PCSK4: variants seen among roughly 807,000 people sequenced by gnomAD.
PCSK4 encodes the protein testicular tissue protein Li 135.
Under a neutral mutation model 80.3 loss-of-function variants are expected in PCSK4, and 64 were observed. The observed-to-expected ratio is 0.80, with a 90% CI of 0.65 to 0.98. The LOEUF (loss-of-function observed/expected upper bound fraction) is 0.98, where lower values mean the gene tolerates loss of function less well. PCSK4 is among the 50% of genes least tolerant of loss of function. The pLI is 0.00. For synonymous variants in PCSK4, 561 were observed against 487.6 expected (o/e 1.15, Z -1.98); for missense variants, 1,213 against 1,093.6 (o/e 1.11, Z -1.54).
At chr19:1,490,328 C>A (rs1335099631) in exon 1 of PCSK4, 29 of 1,374,716 alleles carry the variant, frequency 2.1e-5, no homozygotes, top group Admixed American at 4.6e-5. Flanking sequence ...AGCCACAGCG[C>A]AATCGGGGCG....
At chr19:1,484,607 C>T (rs565212661) in intron 8 of PCSK4, among the ~76,000 whole-genome samples, 2 of 151,790 alleles carry the variant, frequency 1.3e-5, no homozygotes, top group Non-Finnish European at 2.9e-5. Context: ...CACCGGAGGT[C>T]AGGAGTTCGA....
exon 15 of PCSK4, chr19:1,481,893 G>A (rs753925545): frequency 2.5e-6 from 4 of 1,595,710 alleles, no homozygotes; most frequent in Non-Finnish European, 3.4e-6. Flanking sequence ...AGGAGGCTCA[G>A]CACCATGGCC....
chr19:1,488,178 G>A lies in PCSK4; in HGVS notation c.387+10C>T, dbSNP rs1003086016. On this transcript the variant is annotated intron_variant, in intron 3 of 14. Transcript: ENST00000300954. Reference sequence around the variant, plus strand: ...CCGTCCCCGTCTACCCACCCTGGCTGCCTGCTCACCATGTACCACTGCTTG... The same window carrying A: ...CCGTCCCCGTCTACCCACCCTGGCTACCTGCTCACCATGTACCACTGCTTG... The A allele has an allele frequency of 1.2e-6, 2 of 1,613,438 alleles. No homozygotes were observed. Among genetic ancestry groups the A allele is most frequent in the Non-Finnish European group, 8.5e-7 (1 of 1,179,804 alleles).
upstream of PCSK4, chr19:1,490,651 G>A: frequency 2.7e-6 from 1 of 368,934 alleles, no homozygotes; most frequent in Admixed American, 4.4e-5. Flanking sequence ...CCCTTTGTTT[G>A]ACCTCTCCCA....
At chr19:1,490,250 T>C (rs546327558) in exon 1 of PCSK4, 1 of 1,611,380 alleles carries the variant, frequency 6.2e-7, no homozygotes, top group Non-Finnish European at 8.5e-7. Flanking sequence ...CTGACATAGA[T>C]GGGGGCTCGG....
intron 2 of PCSK4, 69 bp from the exon 3 acceptor site, chr19:1,488,349 G>T (rs2084753191): frequency 8.3e-7 from 1 of 1,211,266 alleles, no homozygotes; most frequent in Non-Finnish European, 1.2e-6. Context: ...TTCAGGGAGT[G>T]AGGCAGCCCC....
intron 2 of PCSK4, 64 bp downstream of exon 2, chr19:1,489,729 G>T: frequency 6.5e-7 from 1 of 1,549,460 alleles, no homozygotes. Flanking sequence ...CACAGAAGAT[G>T]GCTGGTGGCC....
chr19:1,482,530 G>GGGACTACCAGGACCAGGC, intron 13 of PCSK4, 55 bp from the exon 14 acceptor site: 1 of 1,561,042 alleles, frequency 6.4e-7, no homozygotes, highest in Non-Finnish European at 8.6e-7. Flanking sequence ...CGGCAGCCTG[G>GGGACTACCAGGACCAGGC]TCCTGGTAGT....
intron 2 of PCSK4, chr19:1,489,562 A>T: frequency 1.6e-6 from 1 of 638,474 alleles, no homozygotes; most frequent in Non-Finnish European, 2.5e-6. Flanking sequence ...CAGAGGAGGG[A>T]GGGGGAGGAC....
intron 12 of PCSK4, 23 bp from the exon 13 acceptor site, chr19:1,483,043 G>C: frequency 1.3e-6 from 2 of 1,499,936 alleles, no homozygotes; most frequent in Non-Finnish European, 1.8e-6. Flanking sequence ...GGTGGGTGGG[G>C]GTGGGGGTGT....
chr19:1,483,669 G>T, exon 11 of PCSK4: 1 of 1,594,618 alleles, frequency 6.3e-7, no homozygotes, highest in Non-Finnish European at 8.5e-7. Flanking sequence ...CTCTGGACCC[G>T]GACGGCGCAC....
chr19:1,487,341 G>A (rs765951527), intron 6 of PCSK4, 28 bp from the exon 7 acceptor site: 4 of 1,544,680 alleles, frequency 2.6e-6, no homozygotes, highest in Non-Finnish European at 3.5e-6. Flanking sequence ...GAGGGCCGCT[G>A]CCACCGGCCC....
In PCSK4 at chr19:1,488,185, C is replaced by A; in HGVS notation, c.387+3G>T. On this transcript the variant is annotated splice_donor_region_variant and intron_variant, in intron 3 of 14. Transcript: ENST00000300954. ...CGTCTACCCACCCTGGCTGCCTGCTCACCATGTACCACTGCTTGGAGAACC... is the reference window on the plus strand; with the variant it reads ...CGTCTACCCACCCTGGCTGCCTGCTAACCATGTACCACTGCTTGGAGAACC... 1 of 1,613,612 alleles carries A rather than the reference C, an allele frequency of 6.2e-7. No individual in the cohort carries two copies. Among genetic ancestry groups the A allele is most frequent in the South Asian group, 1.1e-5 (1 of 91,076 alleles).
At chr19:1,487,378 C>T (rs1331709038) in intron 6 of PCSK4, 65 bp from the exon 7 acceptor site, 7 of 1,323,970 alleles carry the variant, frequency 5.3e-6, no homozygotes, top group Non-Finnish European at 5.2e-6. Flanking sequence ...CCAGCCCGCC[C>T]CGCGCCACTC....
exon 15 of PCSK4, chr19:1,481,970 G>C: frequency 9.4e-6 from 15 of 1,595,002 alleles, no homozygotes; most frequent in African/African-American, 1.3e-5. Context: ...GGGGGTGGTG[G>C]GTCCCATGCA....
intron 1 of PCSK4, 22 bp from the exon 2 acceptor site, chr19:1,489,919 C>A: frequency 6.3e-7 from 1 of 1,586,814 alleles, no homozygotes; most frequent in Non-Finnish European, 8.6e-7. Flanking sequence ...GGGAAGCGGC[C>A]GCACCGATGG....
At chr19:1,488,632 G>A (rs1464455292) in intron 2 of PCSK4, among the ~76,000 whole-genome samples, 1 of 152,076 alleles carries the variant, frequency 6.6e-6, no homozygotes, top group Non-Finnish European at 1.5e-5. Context: ...CCAGGCTGGG[G>A]TGCAGTGGCG....
chr19:1,482,936 C>A (rs1377638952), exon 13 of PCSK4: 2 of 1,610,016 alleles, frequency 1.2e-6, no homozygotes, highest in African/African-American at 2.7e-5. Flanking sequence ...GGCCCAGGGT[C>A]CACACGCCCT....
At position 1,487,070 on chromosome 19, in the gene PCSK4, G is replaced by T; in HGVS notation, c.856-5C>A. 6.2e-7 allele frequency: 1 copy of T among 1,604,456 alleles called. No homozygotes were observed. On this transcript the variant is annotated splice_polypyrimidine_tract_variant and splice_region_variant and intron_variant, in intron 7 of 14. Transcript: ENST00000300954. ...CGTGCCCAGCCCGCCGCGGCCCTGGGAAACCAGGAGGGGCGGGGAGGGGGC... is the reference window on the plus strand; with the variant it reads ...CGTGCCCAGCCCGCCGCGGCCCTGGTAAACCAGGAGGGGCGGGGAGGGGGC...
Sources: gnomAD v4.1 joint callset for allele counts (sites outside exome capture counted in the v4.1 genomes callset) on GRCh38, gnomAD v4.1.1 for gene constraint, MANE v1.5 for transcripts, NCBI Gene and HGNC (gene_info 2026-07-23, HGNC 2026-07-21) for gene names.